SH2D4A: variants seen among roughly 807,000 people sequenced by gnomAD.
SH2D4A encodes SH2 domain containing 4A.
Under a neutral mutation model 64.7 loss-of-function variants are expected in SH2D4A, and 70 were observed. The ratio of observed to expected loss-of-function variants is 1.08; its 90% CI spans 0.89 to 1.32. SH2D4A has a LOEUF of 1.32. SH2D4A is among the 40% of genes most tolerant of loss of function. The pLI is 0.00. For missense variants in SH2D4A, 706 were observed against 540.1 expected, an observed-to-expected ratio of 1.31 and a Z score of -3.04; for synonymous variants, 268 against 200.7, an observed-to-expected ratio of 1.34 and a Z score of -2.83.
At chr8:19,363,105 C>T (rs1038813070) in intron 6 of SH2D4A, among the ~76,000 whole-genome samples, 29 of 151,720 alleles carry the variant, frequency 1.9e-4, no homozygotes, top group Non-Finnish European at 4.1e-4. Flanking sequence ...GATGGAGTTT[C>T]GCTCTTGTCA....
chr8:19,342,995 G>T (rs1307693927), intron 4 of SH2D4A, among the ~76,000 whole-genome samples: 2 of 152,180 alleles, frequency 1.3e-5, no homozygotes, highest in African/African-American at 2.4e-5. Context: ...TTCCGTCTCT[G>T]TGTGCCTTAG....
intron 1 of SH2D4A, among the ~76,000 whole-genome samples, chr8:19,316,027 C>T (rs2052081508): frequency 6.6e-6 from 1 of 152,126 alleles, no homozygotes; most frequent in Non-Finnish European, 1.5e-5. Context: ...GCTGGAGTGC[C>T]TCTGGGTGTC....
At chr8:19,317,310 T>G (rs1247711796) in intron 1 of SH2D4A, among the ~76,000 whole-genome samples, 1 of 150,946 alleles carries the variant, frequency 6.6e-6, no homozygotes. Flanking sequence ...TCCATTTTTT[T>G]TTTTTTTTTT....
At chr8:19,346,964 C>A (rs1385933169) in intron 4 of SH2D4A, among the ~76,000 whole-genome samples, 3 of 152,210 alleles carry the variant, frequency 2.0e-5, no homozygotes, top group Non-Finnish European at 4.4e-5. Context: ...GGCTGTCTGG[C>A]TGGATTTTCC....
intron 8 of SH2D4A, among the ~76,000 whole-genome samples, chr8:19,378,887 A>G (rs1308456002): frequency 1.3e-5 from 2 of 150,276 alleles, no homozygotes; most frequent in Non-Finnish European, 3.0e-5. Context: ...TCTACAAAAA[A>G]AACATGGCAA....
At chr8:19,332,419 A>C (rs1157480877) in intron 2 of SH2D4A, among the ~76,000 whole-genome samples, 1 of 152,142 alleles carries the variant, frequency 6.6e-6, no homozygotes, top group African/African-American at 2.4e-5. Context: ...GTGGATCACG[A>C]GGTCAGGAGT....
At chr8:19,347,235 C>G (rs1156498636) in intron 4 of SH2D4A, among the ~76,000 whole-genome samples, 1 of 152,198 alleles carries the variant, frequency 6.6e-6, no homozygotes, top group Middle Eastern at 3.2e-3. Context: ...TTTCTCTGTC[C>G]TCCTGCCAGG....
intron 4 of SH2D4A, among the ~76,000 whole-genome samples, chr8:19,355,118 A>T (rs1262734566): frequency 1.3e-5 from 2 of 152,230 alleles, no homozygotes; most frequent in Non-Finnish European, 2.9e-5. Context: ...AGTAATAAAC[A>T]TAGCATATTT....
In SH2D4A at chr8:19,394,556, C is replaced by T; in HGVS notation, c.1279C>T (p.Pro427Ser). ...ADLVEYHKEE[P>S]ITSLGKELLL... The stretch of plus-strand genomic sequence containing the variant: ...CGTGCCTTCTGATTGACAGGAGGAA[C>T]CCATCACTTCCCTGGGGAAGGAGCT... The change falls in exon 10 of 10, where the codon CCC becomes TCC. Residue 427 changes from proline to serine, a missense_variant. Physicochemically the swap from Pro to Ser is moderately conservative, Grantham distance 74. Transcript: ENST00000265807. 6.2e-7 allele frequency: 1 copy of T among 1,604,548 alleles called. No homozygotes were observed. The highest frequency in any genetic ancestry group is 8.5e-7 in the Non-Finnish European group (1 of 1,174,516).
chr8:19,318,631 T>C (rs1248892298), intron 1 of SH2D4A, among the ~76,000 whole-genome samples: 2 of 152,230 alleles, frequency 1.3e-5, no homozygotes, highest in East Asian at 3.8e-4. Context: ...ATTTAGATTT[T>C]ATTAAACTAG....
At position 19,313,794 on chromosome 8, in the gene SH2D4A, A is replaced by AGCCACCCTGCCCAGGGGC. The variant is rs1263003742; in HGVS notation, c.-230_-213dup. On this transcript the variant is annotated 5_prime_UTR_variant, in exon 1 of 10. Transcript: ENST00000265807. ...GCCAAGTGGATGTGGCGGGTGATCG[A>AGCCACCCTGCCCAGGGGC]GCCACCCTGCCCAGGGGCGCCCAGC... 2.0e-6 allele frequency: 3 copies of AGCCACCCTGCCCAGGGGC among 1,511,528 alleles called. No individual in the cohort carries two copies. The highest frequency in any genetic ancestry group is 2.6e-6 in the Non-Finnish European group (3 of 1,135,464). 93.6% of individuals were successfully genotyped at this position (1,511,528 alleles called of 1,614,324 possible).
At position 19,319,530 on chromosome 8, in the gene SH2D4A, G is replaced by C. The variant is rs577388348; in HGVS notation, c.-18G>C. On this transcript the variant is annotated 5_prime_UTR_variant, in exon 2 of 10. Coordinates refer to ENST00000265807, the MANE Select transcript of SH2D4A (RefSeq NM_022071.4). ...AGGAACTTTTGCCACAAGTATAAAAGACTTCAGAAGTGCAAAGATGCTGAA... is the reference window on the plus strand; with the variant it reads ...AGGAACTTTTGCCACAAGTATAAAACACTTCAGAAGTGCAAAGATGCTGAA... 4.1e-6 allele frequency: 6 copies of C among 1,476,440 alleles called. No individual in the cohort carries two copies. The highest frequency in any genetic ancestry group is 5.4e-6 in the Non-Finnish European group (6 of 1,110,508). 91.5% of individuals were successfully genotyped at this position (1,476,440 alleles called of 1,614,324 possible).
intron 6 of SH2D4A, chr8:19,363,860 C>T: frequency 1.7e-6 from 1 of 576,830 alleles, no homozygotes; most frequent in Non-Finnish European, 3.1e-6. Flanking sequence ...TCAGAAAACC[C>T]CCAGTCCTGT....
intron 4 of SH2D4A, 38 bp downstream of exon 4, chr8:19,334,895 C>T (rs773519088): frequency 1.9e-6 from 3 of 1,552,226 alleles, no homozygotes; most frequent in Non-Finnish European, 2.6e-6. Context: ...GGAATTTCAT[C>T]ATGGGGGAGA....
rs558420972 is a variant in SH2D4A, at chr8:19,372,846, T to C, written c.918-684T>C. ...TCCTTTTACTTTGTATTTCTTTACT[T>C]TTTTTTTTTTTTAGCAGAACTAAAT... On this transcript the variant is annotated intron_variant, in intron 7 of 9. Transcript: ENST00000265807. Among the ~76,000 whole-genome samples the C allele has an allele frequency of 6.2e-3, 823 of 133,254 alleles. 13 individuals carry two copies. Among genetic ancestry groups the C allele is most frequent in the African/African-American group, 0.028 (785 of 28,104 alleles). 87.4% of individuals were successfully genotyped at this position (133,254 alleles called of 152,430 possible).
At chr8:19,393,260 G>A in intron 8 of SH2D4A, 58 bp from the exon 9 acceptor site, 1 of 1,503,798 alleles carries the variant, frequency 6.6e-7, no homozygotes. Context: ...GGATTTAACA[G>A]AGGGGATTTT....
rs2053370440 is a variant in SH2D4A at position 19,385,408 on chromosome 8, C to T, written c.1049-7910C>T. ...GTATTTTTAGTAGAGACCATGTTGG[C>T]CAGGCTGGTCTTGAACTTCTGACTT... On this transcript the variant is annotated intron_variant, in intron 8 of 9. Coordinates refer to ENST00000265807, the MANE Select transcript of SH2D4A (RefSeq NM_022071.4). Among the ~76,000 whole-genome samples the T allele has an allele frequency of 2.0e-5, 3 of 152,026 alleles. No homozygotes were observed. The South Asian group carries it at 6.2e-4, about 32-fold the overall frequency.
intron 4 of SH2D4A, among the ~76,000 whole-genome samples, chr8:19,352,188 G>C (rs2052716212): frequency 6.6e-6 from 1 of 152,250 alleles, no homozygotes; most frequent in Non-Finnish European, 1.5e-5. Context: ...TTGACAGACA[G>C]ACTCTGGGGG....
intron 2 of SH2D4A, among the ~76,000 whole-genome samples, chr8:19,325,786 AT>A (rs539637799): frequency 7.6e-4 from 116 of 152,368 alleles, no homozygotes; most frequent in African/African-American, 2.8e-3. Flanking sequence ...CCACTTTGAT[AT>A]TAATAACTTC....
Sources: gnomAD v4.1 joint callset for allele counts (sites outside exome capture counted in the v4.1 genomes callset) on GRCh38, gnomAD v4.1.1 for gene constraint, MANE v1.5 for transcripts, NCBI Gene and HGNC (gene_info 2026-07-23, HGNC 2026-07-21) for gene names.